The following USP49 variants were observed in gnomAD, a reference collection of about 807,000 sequenced individuals.
The protein encoded by USP49 is ubiquitin specific peptidase 49.
A neutral mutation model predicts 58.6 loss-of-function variants in USP49; 24 were observed. The ratio of observed to expected loss-of-function variants is 0.41; its 90% CI spans 0.30 to 0.58. The LOEUF is 0.58. USP49 is among the 20% of genes least tolerant of loss of function. The pLI, the probability that USP49 is intolerant of heterozygous loss-of-function variation, is 0.30. For missense variants in USP49, 703 were observed against 866.1 expected, an observed-to-expected ratio of 0.81 and a Z score of 2.36; for synonymous variants, 408 against 365.1, an observed-to-expected ratio of 1.12 and a Z score of -1.34.
At chr6:41,828,211 G>A (rs1314817454) in intron 3 of USP49, among the ~76,000 whole-genome samples, 2 of 151,980 alleles carry the variant, frequency 1.3e-5, no homozygotes, top group East Asian at 1.9e-4. Flanking sequence ...TTGGGAGGCC[G>A]AGGCGGGCAG....
chr6:41,849,212 G>T (rs1773977045), intron 3 of USP49, among the ~76,000 whole-genome samples: 1 of 151,974 alleles, frequency 6.6e-6, no homozygotes, highest in South Asian at 2.1e-4. Context: ...TCTCATAAAA[G>T]ATAAAAAATG....
At position 41,834,577 on chromosome 6, in the gene USP49, C is replaced by A. The variant is rs139452227; in HGVS notation, c.-28-27566G>T. ...CAATTTCTCATGAATGATTTGGCAC[C>A]ATCCTCTTGAAGCTGTTCTTGTGAT... On this transcript the variant is annotated intron_variant, in intron 3 of 7. Coordinates refer to ENST00000682992, the MANE Select transcript of USP49 (RefSeq NM_001286554.2). Among the ~76,000 whole-genome samples the A allele has an allele frequency of 5.9e-5, 9 of 152,224 alleles. No individual in the cohort carries two copies. In the East Asian group the frequency reaches 1.5e-3, roughly 26 times the overall value.
At chr6:41,846,175 G>T (rs1442539567) in intron 3 of USP49, among the ~76,000 whole-genome samples, 1 of 152,050 alleles carries the variant, frequency 6.6e-6, no homozygotes, top group African/African-American at 2.4e-5. Flanking sequence ...AATCATCCAG[G>T]CATGGTAGCC....
At chr6:41,880,324 G>A (rs1034263680) in intron 2 of USP49, among the ~76,000 whole-genome samples, 3 of 152,130 alleles carry the variant, frequency 2.0e-5, no homozygotes, top group Non-Finnish European at 2.9e-5. Flanking sequence ...TTGAGAGTTC[G>A]AGAGGAAGAA....
chr6:41,816,818 A>T (rs940868633), intron 3 of USP49, among the ~76,000 whole-genome samples: 3 of 151,860 alleles, frequency 2.0e-5, no homozygotes, highest in African/African-American at 7.3e-5. Flanking sequence ...CCTGGGCTCA[A>T]GTGATCCTCC....
chr6:41,865,896 A>C (rs1582029803), intron 3 of USP49, among the ~76,000 whole-genome samples: 1 of 121,994 alleles, frequency 8.2e-6, no homozygotes, highest in African/African-American at 3.2e-5. Context: ...CTCCCACCTC[A>C]GCCTTCCAAA....
intron 6 of USP49, 86 bp downstream of exon 6, chr6:41,799,744 C>G: frequency 8.3e-7 from 1 of 1,201,710 alleles, no homozygotes; most frequent in Non-Finnish European, 1.2e-6. Flanking sequence ...CTCCCAACAC[C>G]ATAGAAGACA....
intron 3 of USP49, among the ~76,000 whole-genome samples, chr6:41,843,349 G>A (rs1032905284): frequency 2.0e-5 from 3 of 151,968 alleles, no homozygotes; most frequent in Admixed American, 6.6e-5. Context: ...TTTGTTTTAC[G>A]TATTTTGTAA....
At position 41,859,878 on chromosome 6, in the gene USP49, A is replaced by C. The variant is rs568165437; in HGVS notation, c.-29+11686T>G. 9.2e-5 allele frequency among the ~76,000 whole-genome samples: 14 copies of C among 152,330 alleles called. No homozygotes were observed. In the South Asian group the frequency reaches 2.3e-3, roughly 25 times the overall value. The stretch of plus-strand genomic sequence containing the variant: ...TGCAGTAAAATAAACTAGAATACCA[A>C]TGGAAATAGTTGCAGACAATATAAA... On this transcript the variant is annotated intron_variant, in intron 3 of 7. Coordinates refer to ENST00000682992, the MANE Select transcript of USP49 (RefSeq NM_001286554.2).
At chr6:41,880,335 C>G (rs564511442) in intron 2 of USP49, among the ~76,000 whole-genome samples, 1 of 152,028 alleles carries the variant, frequency 6.6e-6, no homozygotes, top group East Asian at 1.9e-4. Context: ...AGAGGAAGAA[C>G]AGAGAAAACT....
At chr6:41,892,188 CTCTT>C (rs895704712) in intron 1 of USP49, among the ~76,000 whole-genome samples, 1 of 152,192 alleles carries the variant, frequency 6.6e-6, no homozygotes, top group African/African-American at 2.4e-5. Context: ...GCAGGACTCA[CTCTT>C]TCCCTTGGCT....
chr6:41,847,739 G>A (rs886416750), intron 3 of USP49, among the ~76,000 whole-genome samples: 9 of 151,980 alleles, frequency 5.9e-5, no homozygotes, highest in African/African-American at 1.9e-4. Flanking sequence ...AGTCACAGGA[G>A]CAAAAAGGAA....
intron 3 of USP49, among the ~76,000 whole-genome samples, chr6:41,810,075 C>T (rs1207874575): frequency 2.6e-5 from 4 of 151,196 alleles, no homozygotes; most frequent in Admixed American, 2.0e-4. Flanking sequence ...TGGCGCGAAC[C>T]CGGGAGGCGG....
chr6:41,856,681 T>C (rs551942012), intron 3 of USP49, among the ~76,000 whole-genome samples: 5 of 152,286 alleles, frequency 3.3e-5, no homozygotes, highest in Admixed American at 6.5e-5. Context: ...CCAAACTCAA[T>C]GCAGACTCCT....
intron 5 of USP49, among the ~76,000 whole-genome samples, chr6:41,800,593 T>C (rs892489210): frequency 6.6e-6 from 1 of 152,222 alleles, no homozygotes; most frequent in African/African-American, 2.4e-5. Context: ...CCCCACAATA[T>C]GATTTTAAAA....
chr6:41,865,638 G>A (rs1193537052), intron 3 of USP49, among the ~76,000 whole-genome samples: 2 of 151,062 alleles, frequency 1.3e-5, no homozygotes, highest in Non-Finnish European at 3.0e-5. Context: ...ACCATGCTCG[G>A]CTTGTTTTTT....
At chr6:41,891,601 G>A (rs1208938874) in intron 2 of USP49, among the ~76,000 whole-genome samples, 193 bp downstream of exon 2, 2 of 152,092 alleles carry the variant, frequency 1.3e-5, no homozygotes, top group African/African-American at 2.4e-5. Flanking sequence ...AAGTACACAG[G>A]TATTTTTTAC....
In USP49 at chr6:41,790,548, C is replaced by A. The variant is rs1772779342; in HGVS notation, c.*5985G>T. On this transcript the variant is annotated 3_prime_UTR_variant, in exon 8 of 8. Transcript: ENST00000682992. Reference sequence around the variant, plus strand: ...AAAATACTGCTTTTATGTGCCAAGTCTCTTATGGAACTAGTATGGGATTAA... The same window carrying A: ...AAAATACTGCTTTTATGTGCCAAGTATCTTATGGAACTAGTATGGGATTAA... 6.6e-6 allele frequency: 1 copy of A among 151,846 alleles called. No homozygotes were observed. Among genetic ancestry groups the A allele is most frequent in the Non-Finnish European group, 1.5e-5 (1 of 68,002 alleles). 9.4% of individuals were successfully genotyped at this position (151,846 alleles called of 1,614,324 possible).
At chr6:41,799,733 C>A (rs1772961218) in intron 6 of USP49, 97 bp downstream of exon 6, 2 of 1,072,804 alleles carry the variant, frequency 1.9e-6, no homozygotes, top group Non-Finnish European at 2.8e-6. Flanking sequence ...ACAGGCTTCC[C>A]CTCCCAACAC....
Sources: allele counts gnomAD v4.1 joint callset (sites outside exome capture counted in the v4.1 genomes callset), GRCh38; gene constraint gnomAD v4.1.1; transcripts MANE v1.5; gene names NCBI Gene and HGNC (gene_info 2026-07-23, HGNC 2026-07-21).